MEF2B: variants seen among roughly 807,000 people sequenced by gnomAD.
MEF2B encodes the protein myocyte-specific enhancer factor 2B.
MEF2B carries 15 observed loss-of-function variants against 32.2 expected under a neutral mutation model. That is an observed-to-expected ratio of 0.47 (90% CI 0.31 to 0.72). MEF2B has a LOEUF of 0.72. Ranked by LOEUF, MEF2B falls within the 30% of genes least tolerant of loss-of-function variation. The probability of loss-of-function intolerance (pLI) is 0.05; values close to 1 mark genes in which losing one functional copy is unlikely to be tolerated. For missense variants in MEF2B, 441 were observed against 511.5 expected, an observed-to-expected ratio of 0.86 and a Z score of 1.33; for synonymous variants, 205 against 225.6, an observed-to-expected ratio of 0.91 and a Z score of 0.82.
rs1420041339 is a variant in MEF2B at position 19,145,793 on chromosome 19, TCTC to T, written c.*1_*3del. The T allele has an allele frequency of 1.7e-5, 26 of 1,545,340 alleles. No homozygotes were observed. The highest frequency in any genetic ancestry group is 1.7e-4 in the Middle Eastern group (1 of 5,874). ...GCTCTGGGCTGGTGCCACCGGGTGA[TCTC>T]CTACCGGGGCCAGCCGTCGGCCAAG... On this transcript the variant is annotated 3_prime_UTR_variant, in exon 9 of 9. Coordinates refer to ENST00000424583, the MANE Select transcript of MEF2B (RefSeq NM_001145785.2). The surrounding 1 kb of genome is among the most constrained non-coding windows in gnomAD (Gnocchi z 4.6).
intron 2 of MEF2B, among the ~76,000 whole-genome samples, chr19:19,149,808 G>A (rs1020134503): frequency 2.6e-5 from 4 of 152,054 alleles, no homozygotes; most frequent in Non-Finnish European, 5.9e-5. Context: ...GGCCAGGTGC[G>A]GTGGCTCAGC....
chr19:19,146,968 T>C, intron 5 of MEF2B, 68 bp downstream of exon 5: 1 of 1,563,790 alleles, frequency 6.4e-7, no homozygotes, highest in South Asian at 1.2e-5. Flanking sequence ...AGCCTGGCAA[T>C]GCCAGAGCCA....
In MEF2B at chr19:19,147,160, G is replaced by C. The variant is rs1370165327; in HGVS notation, c.417C>G (p.Ser139Arg). 1 of 1,584,132 alleles carries C rather than the reference G, an allele frequency of 6.3e-7. No individual in the cohort carries two copies. The highest frequency in any genetic ancestry group is 8.6e-7 in the Non-Finnish European group (1 of 1,165,690). ...RLYPAAPAMP[S>R]PDVVYGALPP... is the part of the protein sequence containing the mutation. ...GTAAGGCCCCGTATACCACATCTGG[G>C]CTGGGCATAGCAGGAGCTGCAGGCT... The change falls in exon 5 of 9, where the codon AGC becomes AGG. Residue 139 changes from serine to arginine, a missense_variant. By Grantham distance (110) the Ser-to-Arg change is moderately radical. This residue lies in a region of MEF2B where 326 missense variants were observed against 328.4 expected (regional missense o/e 0.99). Transcript: ENST00000424583.
At position 19,170,244 on chromosome 19, in the gene MEF2B, C is replaced by G. The variant is rs2060243332; in HGVS notation, c.-69G>C. On this transcript the variant is annotated 5_prime_UTR_variant, in exon 1 of 9. Transcript: ENST00000424583. Reference sequence around the variant, plus strand: ...CCCTGGGACGCTGGGCGCACGGACCCGCGGCGGCTGCACGAAGATCAGGGG... The same window carrying G: ...CCCTGGGACGCTGGGCGCACGGACCGGCGGCGGCTGCACGAAGATCAGGGG... 2 of 398,426 alleles carry G rather than the reference C, an allele frequency of 5.0e-6. No individual in the cohort carries two copies. Among genetic ancestry groups the G allele is most frequent in the Non-Finnish European group, 8.8e-6 (2 of 225,994 alleles). 24.7% of individuals were successfully genotyped at this position (398,426 alleles called of 1,614,324 possible).
chr19:19,161,956 C>T (rs560524121), intron 1 of MEF2B, among the ~76,000 whole-genome samples: 11 of 151,592 alleles, frequency 7.3e-5, no homozygotes, highest in African/African-American at 2.7e-4. Flanking sequence ...TACAGCCATG[C>T]GCTACCACAC....
chr19:19,152,047 G>A (rs2060087014), intron 1 of MEF2B, among the ~76,000 whole-genome samples: 1 of 142,806 alleles, frequency 7.0e-6, no homozygotes, highest in African/African-American at 2.6e-5. Flanking sequence ...TAAAACCTCC[G>A]CCTCCCAGGT....
At position 19,150,600 on chromosome 19, in the gene MEF2B, T is replaced by C. The variant is rs575802130; in HGVS notation, c.54+82A>G. ...GCCTCCTCATTCCCCTGCAGTTCAA[T>C]TGGTCAGGTCAGTCCCTTGCCTAGG... On this transcript the variant is annotated intron_variant, in intron 2 of 8. Transcript: ENST00000424583. The C allele has an allele frequency of 1.4e-4, 223 of 1,581,446 alleles. No homozygotes were observed. The African/African-American group carries it at 1.6e-3, about 11-fold the overall frequency.
intron 1 of MEF2B, among the ~76,000 whole-genome samples, chr19:19,169,051 CAAA>C (rs947080387): frequency 2.6e-5 from 4 of 151,040 alleles, no homozygotes; most frequent in African/African-American, 9.7e-5. Context: ...GACTCTGTCT[CAAA>C]AAAAATTTTT....
At chr19:19,147,967 C>A in intron 3 of MEF2B, 135 bp from the exon 4 acceptor site, 1 of 1,409,400 alleles carries the variant, frequency 7.1e-7, no homozygotes, top group Non-Finnish European at 9.3e-7. Context: ...CCTGCTCTAG[C>A]CAAACCCCAC....
At chr19:19,154,409 G>A (rs1404904934) in intron 1 of MEF2B, among the ~76,000 whole-genome samples, 4 of 151,672 alleles carry the variant, frequency 2.6e-5, no homozygotes, top group African/African-American at 7.3e-5. Flanking sequence ...TGATCCGCCC[G>A]CCTTGGCCTC....
chr19:19,150,822 C>T (rs2146359622), intron 1 of MEF2B, 58 bp from the exon 2 acceptor site: 1 of 1,590,976 alleles, frequency 6.3e-7, no homozygotes, highest in Non-Finnish European at 8.6e-7. Context: ...GAGGGGTACC[C>T]CAGCCTCACA....
intron 1 of MEF2B, among the ~76,000 whole-genome samples, chr19:19,166,487 G>A (rs11669860): frequency 0.53 from 80,603 of 151,680 alleles, 21,635 homozygotes; most frequent in East Asian, 0.58. Context: ...CATCTGGTTG[G>A]GCTCATGCCT....
At chr19:19,150,523 CAAAAAAAAA>C (rs67741867) in intron 2 of MEF2B, among the ~76,000 whole-genome samples, 150 bp downstream of exon 2, 5 of 103,404 alleles carry the variant, frequency 4.8e-5, no homozygotes, top group African/African-American at 1.8e-4. Context: ...GACTTCATCT[CAAAAAAAAA>C]AAAAAAAAAA....
rs1412585136 is a variant in MEF2B, at chr19:19,147,025, C to T, written c.541+11G>A. The T allele has an allele frequency of 1.3e-6, 2 of 1,593,606 alleles. No individual in the cohort carries two copies. Among genetic ancestry groups the T allele is most frequent in the East Asian group, 4.5e-5 (2 of 44,628 alleles). ...CAGGACCTCACCCCTGCCCCACTGTCCCATGCTCACCTGGGGGCCCGGCTT... is the reference window on the plus strand; with the variant it reads ...CAGGACCTCACCCCTGCCCCACTGTTCCATGCTCACCTGGGGGCCCGGCTT... On this transcript the variant is annotated intron_variant, in intron 5 of 8. Transcript: ENST00000424583.
intron 8 of MEF2B, 123 bp from the exon 9 acceptor site, chr19:19,146,145 C>A: frequency 1.1e-6 from 1 of 930,250 alleles, no homozygotes; most frequent in Non-Finnish European, 1.5e-6. Flanking sequence ...GTGGCGGTCC[C>A]TCTTGGGGCC....
chr19:19,158,362 C>T (rs1325068988), intron 1 of MEF2B, among the ~76,000 whole-genome samples: 1 of 126,948 alleles, frequency 7.9e-6, no homozygotes, highest in African/African-American at 3.0e-5. Flanking sequence ...GCTGGGATTA[C>T]AGGCGTGAGC....
chr19:19,167,494 C>T (rs1029242843), intron 1 of MEF2B, among the ~76,000 whole-genome samples: 4 of 152,120 alleles, frequency 2.6e-5, no homozygotes, highest in African/African-American at 9.7e-5. Context: ...TTTACTCTAG[C>T]CTGGGCAACA....
At chr19:19,151,401 C>T (rs2146360409) in intron 1 of MEF2B, among the ~76,000 whole-genome samples, 1 of 152,222 alleles carries the variant, frequency 6.6e-6, no homozygotes, top group South Asian at 2.1e-4. Context: ...GTACCCCACT[C>T]AAGGAGATGT....
intron 1 of MEF2B, among the ~76,000 whole-genome samples, chr19:19,164,025 G>A (rs2060187592): frequency 6.6e-6 from 1 of 151,892 alleles, no homozygotes; most frequent in African/African-American, 2.4e-5. Context: ...GAAGTGCAGT[G>A]GTGCGATCTC....
Sources: gnomAD v4.1 joint callset for allele counts (sites outside exome capture counted in the v4.1 genomes callset) on GRCh38, gnomAD v4.1.1 for gene constraint, gnomAD v4.1.1 regional missense constraint, Gnocchi (gnomAD v3.1) non-coding constraint, MANE v1.5 for transcripts, NCBI Gene and HGNC (gene_info 2026-07-23, HGNC 2026-07-21) for gene names.